MFF: variants seen among roughly 807,000 people sequenced by gnomAD.
The protein encoded by MFF is mitochondrial fission factor, also known as chromosome 2 open reading frame 33.
MFF carries 12 observed loss-of-function variants against 36.9 expected under a neutral mutation model. The observed-to-expected ratio is 0.33, with a 90% CI of 0.21 to 0.53. MFF has a LOEUF of 0.53. MFF is among the 20% of genes least tolerant of loss of function. MFF has a pLI of 0.95. For missense variants in MFF, 348 were observed against 366.6 expected (o/e 0.95, Z 0.42); for synonymous variants, 99 against 126.2 (o/e 0.78, Z 1.44).
chr2:227,326,315 T>C (rs1038242061), intron 1 of MFF, among the ~76,000 whole-genome samples: 4 of 151,272 alleles, frequency 2.6e-5, no homozygotes, highest in Non-Finnish European at 5.9e-5. Flanking sequence ...CTTAAGATGA[T>C]CACAAATGTT....
chr2:227,339,978 A>G (rs2075295444), intron 4 of MFF, among the ~76,000 whole-genome samples: 1 of 152,248 alleles, frequency 6.6e-6, no homozygotes. Context: ...AGTATATACC[A>G]TAAGGTTAAA....
Position 227,357,512 on chromosome 2 carries a change from TCAAA to T in MFF, c.*398_*401del, listed in dbSNP as rs1257646261. The T allele has an allele frequency of 1.2e-5, 2 of 161,760 alleles. No homozygotes were observed. The highest frequency in any genetic ancestry group is 4.8e-5 in the African/African-American group (2 of 41,912). 10.0% of individuals were successfully genotyped at this position (161,760 alleles called of 1,614,324 possible). On this transcript the variant is annotated 3_prime_UTR_variant, in exon 9 of 9. Coordinates refer to ENST00000304593, the MANE Select transcript of MFF (RefSeq NM_001277062.2). ...AAAAACAATTATTTTGTCCTGTTTCTCAAACAGTGTTAAGCAGTTTTGTTAATAG... is the reference window on the plus strand; with the variant it reads ...AAAAACAATTATTTTGTCCTGTTTCTCAGTGTTAAGCAGTTTTGTTAATAG...
intron 5 of MFF, among the ~76,000 whole-genome samples, chr2:227,343,764 C>G (rs1401582594): frequency 6.6e-6 from 1 of 151,998 alleles, no homozygotes; most frequent in Non-Finnish European, 1.5e-5. Context: ...TTAATTCTGA[C>G]AATTGGCTGG....
intron 4 of MFF, among the ~76,000 whole-genome samples, chr2:227,335,446 A>C (rs1188978709): frequency 6.6e-6 from 1 of 152,210 alleles, no homozygotes; most frequent in Non-Finnish European, 1.5e-5. Context: ...ATGATTACAC[A>C]ACGTTGTGAG....
chr2:227,357,150 A>C lies in MFF; in HGVS notation c.*33A>C. On this transcript the variant is annotated 3_prime_UTR_variant, in exon 9 of 9. Coordinates refer to ENST00000304593, the MANE Select transcript of MFF (RefSeq NM_001277062.2). ...ATCAGCCCTCAAAAATACTGTCTCA[A>C]CAGCTGGAAATATAAAAGATTTGCA... 6.3e-7 allele frequency: 1 copy of C among 1,595,294 alleles called. No individual in the cohort carries two copies. Among genetic ancestry groups the C allele is most frequent in the Non-Finnish European group, 8.5e-7 (1 of 1,173,200 alleles).
Position 227,352,514 on chromosome 2 carries a change from A to AC in MFF, c.602dup (p.Val202CysfsTer12). On this transcript the variant is annotated frameshift_variant and splice_region_variant, in exon 7 of 9. Coordinates refer to ENST00000304593, the MANE Select transcript of MFF (RefSeq NM_001277062.2). LOFTEE classifies it high-confidence loss of function. The stretch of plus-strand genomic sequence containing the variant: ...CTTCTCCCGCAAAAACCTGCCTTAG[A>AC]CCTGTGTTGCGTGGTGGGTCTGCTG... The AC allele has an allele frequency of 6.2e-7, 1 of 1,613,570 alleles. No individual in the cohort carries two copies. The highest frequency in any genetic ancestry group is 1.1e-5 in the South Asian group (1 of 91,062).
intron 5 of MFF, chr2:227,342,594 T>C (rs2075457746): frequency 1.7e-6 from 1 of 594,150 alleles, no homozygotes; most frequent in East Asian, 2.9e-5. Context: ...GCAGGAGCAC[T>C]AGCCTTTGTT....
rs150454019 is a variant in MFF at position 227,349,814 on chromosome 2, A to G, written c.599+2430A>G. On this transcript the variant is annotated intron_variant, in intron 6 of 8. Transcript: ENST00000304593. ...TGCTTATAAAATTTTAAGTGCTTCTATGTTCCTTGCTCTGTAGATCATTTT... is the reference window on the plus strand; with the variant it reads ...TGCTTATAAAATTTTAAGTGCTTCTGTGTTCCTTGCTCTGTAGATCATTTT... Among the ~76,000 whole-genome samples the G allele has an allele frequency of 9.2e-5, 14 of 152,252 alleles. No homozygotes were observed. In the East Asian group the frequency reaches 2.3e-3, roughly 25 times the overall value.
chr2:227,348,647 T>A (rs1043302292), intron 6 of MFF, among the ~76,000 whole-genome samples: 3 of 152,308 alleles, frequency 2.0e-5, no homozygotes, highest in African/African-American at 7.2e-5. Context: ...ACAAAAAGCA[T>A]GGATTCAGGG....
chr2:227,356,000 G>GCAGGCCAGTAACAAAGAATCTTTAA (rs1398945151), intron 8 of MFF, among the ~76,000 whole-genome samples: 2 of 152,120 alleles, frequency 1.3e-5, no homozygotes, highest in Non-Finnish European at 2.9e-5. Flanking sequence ...AGAATCTTTA[G>GCAGGCCAGTAACAAAGAATCTTTAA]CAAACCAGTA....
chr2:227,329,648 A>C, intron 2 of MFF: 1 of 853,660 alleles, frequency 1.2e-6, no homozygotes, highest in Non-Finnish European at 2.0e-6. Flanking sequence ...CCTCCAAAAA[A>C]AGTTCAAATG....
chr2:227,332,354 A>C, intron 3 of MFF, 65 bp from the exon 4 acceptor site: 1 of 1,266,954 alleles, frequency 7.9e-7, no homozygotes, highest in Non-Finnish European at 1.1e-6. Context: ...TTTAACAAAA[A>C]TCACTGTCTT....
chr2:227,335,079 G>C (rs553250310), intron 4 of MFF, among the ~76,000 whole-genome samples: 4 of 151,028 alleles, frequency 2.6e-5, no homozygotes, highest in Admixed American at 2.6e-4. Flanking sequence ...GGGGAGGCAG[G>C]AGAATCACTT....
chr2:227,340,189 T>C, intron 4 of MFF, 103 bp from the exon 5 acceptor site: 1 of 886,038 alleles, frequency 1.1e-6, no homozygotes, highest in Non-Finnish European at 1.7e-6. Context: ...TAGTTCGTTG[T>C]AAGTTTTTTG....
intron 7 of MFF, among the ~76,000 whole-genome samples, chr2:227,353,414 T>C (rs1398168585): frequency 1.3e-5 from 2 of 152,202 alleles, no homozygotes; most frequent in African/African-American, 2.4e-5. Flanking sequence ...GGTGCATTCA[T>C]TGAAGCAAGA....
intron 4 of MFF, among the ~76,000 whole-genome samples, chr2:227,339,201 CA>C (rs369858631): frequency 0.034 from 4,295 of 125,212 alleles, 168 homozygotes; most frequent in African/African-American, 0.11. Context: ...GATCCTATCT[CA>C]AAAAAAAAAA....
At chr2:227,355,854 G>A in intron 8 of MFF, 93 bp downstream of exon 8, 2 of 761,396 alleles carry the variant, frequency 2.6e-6, no homozygotes, top group South Asian at 1.8e-5. Context: ...TTTCTCTCCT[G>A]TGGGACTATC....
At chr2:227,347,122 G>T in intron 5 of MFF, 104 bp from the exon 6 acceptor site, 1 of 936,766 alleles carries the variant, frequency 1.1e-6, no homozygotes. Flanking sequence ...GGTGGGAAAG[G>T]GGCAAGAACA....
intron 1 of MFF, among the ~76,000 whole-genome samples, chr2:227,328,330 T>C (rs62279169): frequency 0.31 from 45,140 of 145,308 alleles, 7,507 homozygotes; most frequent in East Asian, 0.41. Context: ...ACCAATTCAT[T>C]TGTTCTTCTT....
Sources: allele counts gnomAD v4.1 joint callset (sites outside exome capture counted in the v4.1 genomes callset), GRCh38; gene constraint gnomAD v4.1.1; transcripts MANE v1.5; gene names NCBI Gene and HGNC (gene_info 2026-07-23, HGNC 2026-07-21).